PARD3: variants seen among roughly 807,000 people sequenced by gnomAD.
PARD3 encodes par-3 family cell polarity regulator.
Under a neutral mutation model 155.4 loss-of-function variants are expected in PARD3, and 75 were observed. The observed-to-expected ratio is 0.48, with a 90% confidence interval of 0.40 to 0.58. The LOEUF (loss-of-function observed/expected upper bound fraction) is 0.58, where lower values mean the gene tolerates loss of function less well. PARD3 is among the 20% of genes least tolerant of loss of function. The probability of loss-of-function intolerance (pLI) is 0.00; values close to 1 mark genes in which losing one functional copy is unlikely to be tolerated. For missense variants in PARD3, 1,642 were observed against 1,721.7 expected (o/e 0.95, Z 0.82); for synonymous variants, 576 against 610.5 (o/e 0.94, Z 0.83).
intron 12 of PARD3, among the ~76,000 whole-genome samples, chr10:34,368,244 A>G (rs904291276): frequency 2.6e-5 from 4 of 152,214 alleles, no homozygotes; most frequent in Admixed American, 2.6e-4. Flanking sequence ...GCATTCTACA[A>G]ATAAAAACGA....
intron 2 of PARD3, among the ~76,000 whole-genome samples, chr10:34,694,872 GCTAA>G (rs777896955): frequency 9.9e-5 from 15 of 152,144 alleles, no homozygotes; most frequent in African/African-American, 1.7e-4. Context: ...CAGGCATGAT[GCTAA>G]CTGTCAGGAA....
At chr10:34,683,643 C>T (rs1590630120) in intron 2 of PARD3, among the ~76,000 whole-genome samples, 1 of 151,580 alleles carries the variant, frequency 6.6e-6, no homozygotes, top group East Asian at 1.9e-4. Flanking sequence ...AACCTCTGTC[C>T]CCTGACTCAC....
rs1045422743 is a variant in PARD3, at chr10:34,382,648, G to A, written c.1291C>T (p.Pro431Ser). Residue 431 changes from proline to serine, a missense_variant, in exon 9 of 25, where the codon CCA becomes TCA. Pro to Ser is a moderately conservative substitution (Grantham distance 74, BLOSUM62 -1). Around this residue, in one of 3 missense-constraint regions of PARD3, gnomAD observed 1,529 missense variants for 1,587.3 expected, o/e 0.96. Coordinates refer to ENST00000374788, the MANE Select transcript of PARD3 (RefSeq NM_001184785.2). ...LPHSAHPSGK[P>S]PSAPASAPQN... Reference sequence around the variant, plus strand: ...GGTGCCGAGGCTGGAGCGGATGGTGGTTTTCCCGAGGGGTGTGCGCTATGA... The same window carrying A: ...GGTGCCGAGGCTGGAGCGGATGGTGATTTTCCCGAGGGGTGTGCGCTATGA... 3.7e-6 allele frequency: 6 copies of A among 1,614,152 alleles called. No homozygotes were observed. In the South Asian group the frequency reaches 6.6e-5, roughly 18 times the overall value.
intron 22 of PARD3, among the ~76,000 whole-genome samples, chr10:34,158,328 T>C (rs968536046): frequency 2.6e-5 from 4 of 152,248 alleles, no homozygotes; most frequent in South Asian, 2.1e-4. Flanking sequence ...TTAAAGAACC[T>C]AGAATCTTCT....
At chr10:34,119,999 CTTTAA>C in intron 23 of PARD3, among the ~76,000 whole-genome samples, 1 of 82,732 alleles carries the variant, frequency 1.2e-5, no homozygotes, top group South Asian at 3.7e-4. Context: ...TTCTAGTCTT[CTTTAA>C]TTTTTTTTTT....
chr10:34,427,258 T>A (rs962476034), intron 5 of PARD3, among the ~76,000 whole-genome samples: 5 of 152,160 alleles, frequency 3.3e-5, no homozygotes, highest in African/African-American at 1.2e-4. Flanking sequence ...GTAAGAGAAA[T>A]ATTGCGGAAT....
intron 2 of PARD3, among the ~76,000 whole-genome samples, chr10:34,571,859 A>C (rs2086436775): frequency 6.6e-6 from 1 of 152,254 alleles, no homozygotes; most frequent in Non-Finnish European, 1.5e-5. Flanking sequence ...TTAGCTATCC[A>C]GATAAACAAA....
At chr10:34,630,148 T>C (rs2092189470) in intron 2 of PARD3, among the ~76,000 whole-genome samples, 1 of 152,212 alleles carries the variant, frequency 6.6e-6, no homozygotes, top group Admixed American at 6.5e-5. Flanking sequence ...TCCTGGAGTT[T>C]AGAAACGTAA....
intron 1 of PARD3, among the ~76,000 whole-genome samples, chr10:34,803,901 C>T (rs1035689700): frequency 1.3e-5 from 2 of 152,156 alleles, no homozygotes; most frequent in African/African-American, 4.8e-5. Flanking sequence ...ATAGGATGTG[C>T]TTTCATAATT....
chr10:34,213,279 C>T (rs954631825), intron 22 of PARD3, among the ~76,000 whole-genome samples: 3 of 152,024 alleles, frequency 2.0e-5, no homozygotes, highest in East Asian at 1.9e-4. Flanking sequence ...CTGAGGAAGC[C>T]GGACTCCTTT....
At chr10:34,726,859 G>A (rs577288879) in intron 1 of PARD3, among the ~76,000 whole-genome samples, 8 of 152,138 alleles carry the variant, frequency 5.3e-5, no homozygotes, top group African/African-American at 1.9e-4. Context: ...TCTCCTTTCT[G>A]AGCACAGACC....
chr10:34,258,452 C>A (rs1018243376), intron 22 of PARD3, among the ~76,000 whole-genome samples: 1 of 152,006 alleles, frequency 6.6e-6, no homozygotes, highest in Admixed American at 6.6e-5. Flanking sequence ...GTTGTGATTG[C>A]GTTTGCTGAG....
intron 1 of PARD3, among the ~76,000 whole-genome samples, chr10:34,808,869 C>G (rs1843727471): frequency 6.6e-6 from 1 of 152,204 alleles, no homozygotes; most frequent in Admixed American, 6.5e-5. Flanking sequence ...ATCTCAGATC[C>G]TAAACATTCC....
intron 1 of PARD3, among the ~76,000 whole-genome samples, chr10:34,736,687 T>C (rs370981369): frequency 3.5e-5 from 5 of 143,210 alleles, no homozygotes; most frequent in South Asian, 2.2e-4. Context: ...TATTTATTTA[T>C]TTACTGAGAC....
intron 5 of PARD3, among the ~76,000 whole-genome samples, chr10:34,430,432 A>T (rs2075844035): frequency 1.3e-5 from 2 of 152,220 alleles, no homozygotes; most frequent in Admixed American, 6.5e-5. Flanking sequence ...GAATATGACT[A>T]TCAAAAATTT....
At chr10:34,334,622 GTATTT>G (rs1835961667) in intron 18 of PARD3, among the ~76,000 whole-genome samples, 1 of 149,642 alleles carries the variant, frequency 6.7e-6, no homozygotes, top group South Asian at 2.1e-4. Context: ...TCTACTTTAG[GTATTT>G]TATTCATTTA....
intron 1 of PARD3, among the ~76,000 whole-genome samples, chr10:34,746,556 G>GC (rs1193313515): frequency 6.6e-6 from 1 of 152,046 alleles, no homozygotes; most frequent in African/African-American, 2.4e-5. Context: ...TTGCAAATAT[G>GC]CCCATAAGTA....
chr10:34,166,625 T>C (rs746329454), intron 22 of PARD3, among the ~76,000 whole-genome samples: 6 of 147,864 alleles, frequency 4.1e-5, no homozygotes, highest in Non-Finnish European at 5.9e-5. Flanking sequence ...TAAGATCCTG[T>C]CTAAAAAAAA....
chr10:34,131,238 C>T (rs1947594295), intron 23 of PARD3, among the ~76,000 whole-genome samples: 1 of 152,020 alleles, frequency 6.6e-6, no homozygotes, highest in African/African-American at 2.4e-5. Context: ...TGTCATAAGG[C>T]TAGTGAAACC....
Sources: allele counts gnomAD v4.1 joint callset (sites outside exome capture counted in the v4.1 genomes callset), GRCh38; gene constraint gnomAD v4.1.1; regional missense constraint gnomAD v4.1.1; transcripts MANE v1.5; gene names NCBI Gene and HGNC (gene_info 2026-07-23, HGNC 2026-07-21).